The following GLIS1 variants were observed in gnomAD, a reference collection of about 807,000 sequenced individuals.
GLIS1 encodes zinc finger protein GLIS1.
In GLIS1, 24 loss-of-function variants were observed where a neutral mutation model predicts 63.8. The ratio of observed to expected loss-of-function variants is 0.38; its 90% confidence interval spans 0.27 to 0.53. The LOEUF is 0.53. Ranked by LOEUF, GLIS1 falls within the 20% of genes least tolerant of loss-of-function variation. The probability of loss-of-function intolerance (pLI) is 0.85; values close to 1 mark genes in which losing one functional copy is unlikely to be tolerated. For missense variants in GLIS1, 1,036 were observed against 1,074.1 expected, an observed-to-expected ratio of 0.96 and a Z score of 0.50; for synonymous variants, 450 against 482.5, an observed-to-expected ratio of 0.93 and a Z score of 0.88.
intron 4 of GLIS1, among the ~76,000 whole-genome samples, chr1:53,563,791 T>G (rs1644912259): frequency 6.6e-6 from 1 of 152,116 alleles, no homozygotes; most frequent in African/African-American, 2.4e-5. Flanking sequence ...TAGAAGAACT[T>G]AAAAGCAATA....
intron 2 of GLIS1, among the ~76,000 whole-genome samples, chr1:53,641,695 C>T (rs1358626249): frequency 6.6e-6 from 1 of 151,904 alleles, no homozygotes; most frequent in Admixed American, 6.6e-5. Context: ...GTGGTACTGA[C>T]GAGGGCGCAC....
intron 2 of GLIS1, among the ~76,000 whole-genome samples, chr1:53,713,401 C>A (rs1646665256): frequency 2.0e-5 from 3 of 149,662 alleles, no homozygotes; most frequent in Non-Finnish European, 4.4e-5. Context: ...TCTTCAAGAC[C>A]AGCCTGGGCA....
chr1:53,524,698 G>A (rs1644446234), intron 6 of GLIS1, 79 bp downstream of exon 6: 1 of 963,928 alleles, frequency 1.0e-6, no homozygotes, highest in Non-Finnish European at 1.7e-6. Flanking sequence ...AGATGCATGT[G>A]TTGAGGGTGG....
chr1:53,695,156 G>T (rs1490746948), intron 2 of GLIS1, among the ~76,000 whole-genome samples: 1 of 152,196 alleles, frequency 6.6e-6, no homozygotes, highest in African/African-American at 2.4e-5. Flanking sequence ...GGTTGAGGAA[G>T]AGGAAAGCCC....
chr1:53,673,817 G>T (rs975486912), intron 2 of GLIS1, among the ~76,000 whole-genome samples: 8 of 152,218 alleles, frequency 5.3e-5, no homozygotes, highest in Non-Finnish European at 1.0e-4. Flanking sequence ...GGTGAAGTCC[G>T]CATGAAGGCA....
intron 2 of GLIS1, among the ~76,000 whole-genome samples, chr1:53,727,819 A>G (rs990713206): frequency 6.6e-6 from 1 of 152,236 alleles, no homozygotes; most frequent in Admixed American, 6.5e-5. Flanking sequence ...ACAGTGTTGG[A>G]AAGAAAACAT....
intron 4 of GLIS1, among the ~76,000 whole-genome samples, chr1:53,590,813 T>A (rs1645185263): frequency 6.6e-6 from 1 of 152,102 alleles, no homozygotes; most frequent in Admixed American, 6.5e-5. Context: ...GGTGATGCCA[T>A]TGACCTTGGG....
chr1:53,508,160 AC>A (rs1214047221), intron 10 of GLIS1, among the ~76,000 whole-genome samples: 2 of 21,214 alleles, frequency 9.4e-5, no homozygotes, highest in Admixed American at 2.5e-4. Context: ...CTGGGGTAAT[AC>A]ATGTGCAGAC....
At chr1:53,691,193 CA>C (rs1646401322) in intron 2 of GLIS1, among the ~76,000 whole-genome samples, 1 of 152,162 alleles carries the variant, frequency 6.6e-6, no homozygotes, top group Admixed American at 6.5e-5. Flanking sequence ...TCCATCTCTA[CA>C]AAAAATTTTG....
At chr1:53,683,747 A>T (rs1276395956) in intron 2 of GLIS1, among the ~76,000 whole-genome samples, 2 of 152,144 alleles carry the variant, frequency 1.3e-5, no homozygotes, top group Non-Finnish European at 1.5e-5. Context: ...TGAATTGGGT[A>T]CCCTGGGGAG....
At chr1:53,548,069 T>A (rs1569802554) in intron 4 of GLIS1, among the ~76,000 whole-genome samples, 1 of 152,274 alleles carries the variant, frequency 6.6e-6, no homozygotes, top group Non-Finnish European at 1.5e-5. Context: ...CCGCATCCTC[T>A]GCTGCTGTTT....
At chr1:53,519,765 G>A (rs1355766352) in intron 7 of GLIS1, among the ~76,000 whole-genome samples, 1 of 152,200 alleles carries the variant, frequency 6.6e-6, no homozygotes, top group Non-Finnish European at 1.5e-5. Flanking sequence ...CCATCTCTGG[G>A]CCACAGAGTT....
chr1:53,659,007 C>T (rs1452890462), intron 2 of GLIS1, among the ~76,000 whole-genome samples: 5 of 152,190 alleles, frequency 3.3e-5, no homozygotes, highest in African/African-American at 1.2e-4. Flanking sequence ...AGAGTCTCCC[C>T]TTCTATGAAT....
chr1:53,683,906 C>A (rs1376530253), intron 2 of GLIS1, among the ~76,000 whole-genome samples: 1 of 152,118 alleles, frequency 6.6e-6, no homozygotes, highest in Non-Finnish European at 1.5e-5. Flanking sequence ...GACTCAGGGA[C>A]TCTCCTGACC....
intron 10 of GLIS1, 80 bp downstream of exon 10, chr1:53,509,040 G>A (rs1463188458): frequency 1.5e-6 from 2 of 1,362,514 alleles, no homozygotes; most frequent in Admixed American, 4.6e-5. Flanking sequence ...AAGGCTGCAG[G>A]ACAGCACGTA....
chr1:53,668,386 G>C (rs192737417), intron 2 of GLIS1, among the ~76,000 whole-genome samples: 329 of 152,180 alleles, frequency 2.2e-3, no homozygotes, highest in African/African-American at 7.8e-3. Flanking sequence ...TTTTGAGACA[G>C]AGTCTCGCTC....
In GLIS1 at chr1:53,594,531, A is replaced by G. The variant is rs1645230749; in HGVS notation, c.897T>C (p.Pro299=). 1.9e-6 allele frequency: 3 copies of G among 1,610,432 alleles called. No individual in the cohort carries two copies. Among genetic ancestry groups the G allele is most frequent in the African/African-American group, 1.3e-5 (1 of 74,998 alleles). ...GGPSKRARPG[P]ASTDSHEGSL... ...TGCCCTCATGGCTGTCCGTCGATGC[A>G]GGGCCAGGCCGGGCCCGCTTGGAAG... The change falls in exon 4 of 11, where the codon CCT becomes CCC. Residue 299 remains proline (P), a synonymous_variant. Coordinates refer to ENST00000628545, the MANE Select transcript of GLIS1 (RefSeq NM_001367484.1).
intron 10 of GLIS1, among the ~76,000 whole-genome samples, chr1:53,508,211 C>T (rs141777637): frequency 2.3e-4 from 35 of 152,324 alleles, no homozygotes; most frequent in African/African-American, 7.5e-4. Flanking sequence ...ACTCACGGGG[C>T]GCATGCTGCC....
At chr1:53,716,949 G>A (rs930201681) in intron 2 of GLIS1, among the ~76,000 whole-genome samples, 2 of 152,206 alleles carry the variant, frequency 1.3e-5, no homozygotes, top group Non-Finnish European at 2.9e-5. Flanking sequence ...CAGAACACGA[G>A]AGAGAGACAG....
Sources: allele counts gnomAD v4.1 joint callset (sites outside exome capture counted in the v4.1 genomes callset), GRCh38; gene constraint gnomAD v4.1.1; transcripts MANE v1.5; gene names NCBI Gene and HGNC (gene_info 2026-07-23, HGNC 2026-07-21).